The following RECQL5 variants were observed in gnomAD, a reference collection of about 807,000 sequenced individuals.
RECQL5 encodes the protein ATP-dependent DNA helicase Q5.
RECQL5 carries 88 observed loss-of-function variants against 103.4 expected under a neutral mutation model. The ratio of observed to expected loss-of-function variants is 0.85; its 90% CI spans 0.72 to 1.02. The LOEUF (loss-of-function observed/expected upper bound fraction) is 1.02, where lower values mean the gene tolerates loss of function less well. Ranked by LOEUF, RECQL5 falls within the 50% of genes least tolerant of loss-of-function variation. RECQL5 has a pLI of 0.00. For synonymous variants in RECQL5, 552 were observed against 507.9 expected (o/e 1.09, Z -1.17); for missense variants, 1,232 against 1,284.3 (o/e 0.96, Z 0.62).
intron 8 of RECQL5, among the ~76,000 whole-genome samples, chr17:75,644,889 G>A (rs1263572710): frequency 6.6e-6 from 1 of 151,212 alleles, no homozygotes; most frequent in Non-Finnish European, 1.5e-5. Context: ...GCTGGTCAAA[G>A]CAACTTTTGT....
chr17:75,660,730 C>T (rs566494850), intron 6 of RECQL5, among the ~76,000 whole-genome samples: 5 of 152,348 alleles, frequency 3.3e-5, no homozygotes, highest in African/African-American at 7.2e-5. Context: ...AGACTGCATG[C>T]TGCCCCATCC....
rs199824535 is a variant in RECQL5 at position 75,627,673 on chromosome 17, G to A, written c.2825C>T (p.Ala942Val). The change falls in exon 19 of 20, where the codon GCC becomes GTC. Residue 942 changes from alanine (A) to valine (V), a missense_variant. By Grantham distance (64) the Ala-to-Val change is moderately conservative (BLOSUM62 0). Transcript: ENST00000317905. Reference sequence around the variant, plus strand: ...AGTCAGCAAGTGTGAGAGGTGGCGGGCAAAGCCTTTAAACAACTCCTGGAA... The same window carrying A: ...AGTCAGCAAGTGTGAGAGGTGGCGGACAAAGCCTTTAAACAACTCCTGGAA... ...FASKELFKGF[A>V]RHLSHLLTQK... 5.1e-5 allele frequency: 82 copies of A among 1,608,986 alleles called. No individual in the cohort carries two copies. Among genetic ancestry groups the A allele is most frequent in the Non-Finnish European group, 6.5e-5 (76 of 1,177,610 alleles).
At chr17:75,642,469 A>G (rs1189235507) in intron 8 of RECQL5, among the ~76,000 whole-genome samples, 4 of 152,218 alleles carry the variant, frequency 2.6e-5, no homozygotes, top group African/African-American at 9.6e-5. Flanking sequence ...AGGGAGGGGA[A>G]GCTCTCACCC....
At chr17:75,662,213 T>C (rs2148342505) in intron 4 of RECQL5, among the ~76,000 whole-genome samples, 2 of 152,194 alleles carry the variant, frequency 1.3e-5, no homozygotes, top group East Asian at 3.9e-4. Context: ...TTAACTTCTC[T>C]GCCTCCTCTT....
intron 3 of RECQL5, 79 bp downstream of exon 3, chr17:75,664,972 T>C (rs112142819): frequency 3.2e-5 from 45 of 1,389,490 alleles, no homozygotes; most frequent in African/African-American, 3.2e-4. Context: ...AAAAGACCAA[T>C]AGAGAAGTGA....
chr17:75,630,670 A>T lies in RECQL5; in HGVS notation c.1667T>A (p.Leu556His). The change falls in exon 13 of 20, where the codon CTT (leucine) becomes CAT (histidine). Residue 556 changes from leucine (L) to histidine (H), a missense_variant. Transcript: ENST00000317905. Reference sequence around the variant, plus strand: ...GTTGCTGCTCAGCGCCTCCTCCAGAAGCCGCAGGCAGTGCTCCCGTGCCTG... The same window carrying T: ...GTTGCTGCTCAGCGCCTCCTCCAGATGCCGCAGGCAGTGCTCCCGTGCCTG... ...TVKAREHCLR[L>H]LEEALSSNRQ... 6.2e-7 allele frequency: 1 copy of T among 1,613,578 alleles called. No homozygotes were observed. The highest frequency in any genetic ancestry group is 8.5e-7 in the Non-Finnish European group (1 of 1,179,982).
intron 7 of RECQL5, among the ~76,000 whole-genome samples, chr17:75,654,405 C>T (rs73995957): frequency 0.014 from 2,136 of 152,234 alleles, 43 homozygotes; most frequent in African/African-American, 0.047. Flanking sequence ...GCTGTCTTTC[C>T]GGACTACTCT....
At chr17:75,651,896 G>A (rs1048169016) in intron 7 of RECQL5, among the ~76,000 whole-genome samples, 2 of 152,118 alleles carry the variant, frequency 1.3e-5, no homozygotes, top group Non-Finnish European at 2.9e-5. Context: ...ATATTGGAGG[G>A]AGATATATTA....
intron 6 of RECQL5, among the ~76,000 whole-genome samples, chr17:75,658,765 CT>C (rs1599052576): frequency 6.6e-6 from 1 of 152,144 alleles, no homozygotes; most frequent in Admixed American, 6.5e-5. Context: ...GGCTCTGCCA[CT>C]TATGAGCTAT....
At chr17:75,658,182 A>C in intron 7 of RECQL5, 116 bp downstream of exon 7, 1 of 1,071,858 alleles carries the variant, frequency 9.3e-7, no homozygotes, top group Non-Finnish European at 1.3e-6. Context: ...CTATACTTAC[A>C]GGTTGGGAGC....
chr17:75,652,729 G>C (rs1006932304), intron 7 of RECQL5, among the ~76,000 whole-genome samples: 2 of 152,212 alleles, frequency 1.3e-5, no homozygotes, highest in Non-Finnish European at 2.9e-5. Flanking sequence ...GTAAAGCTGG[G>C]GGAAGGAGAT....
At position 75,640,766 on chromosome 17, in the gene RECQL5, C is replaced by A; in HGVS notation, c.1230-9098G>T. ...ATCCTTTCTCTCCCCCAACCTGAGT[C>A]CCGTGCTCTCTCCCGGCCCTCCAGC... On this transcript the variant is annotated intron_variant, in intron 8 of 19. Transcript: ENST00000317905. This position sits in a 1 kb window ranked among gnomAD's most constrained non-coding sequence, Gnocchi z 4.6. 6.5e-7 allele frequency: 1 copy of A among 1,547,190 alleles called. No individual in the cohort carries two copies. Among genetic ancestry groups the A allele is most frequent in the South Asian group, 1.2e-5 (1 of 83,946 alleles).
rs1165293789 is a variant in RECQL5 at position 75,628,779 on chromosome 17, C to T, written c.2490-17G>A. 1.2e-6 allele frequency: 2 copies of T among 1,603,578 alleles called. No homozygotes were observed. The highest frequency in any genetic ancestry group is 4.5e-5 in the East Asian group (2 of 44,848). On this transcript the variant is annotated splice_polypyrimidine_tract_variant and intron_variant, in intron 16 of 19. Coordinates refer to ENST00000317905, the MANE Select transcript of RECQL5 (RefSeq NM_004259.7). ...GGGCAGGTGCTGGTAGAGGGAAGAG[C>T]AGGCATCACAGCACTGGGTCCTGGT...
intron 2 of RECQL5, among the ~76,000 whole-genome samples, chr17:75,665,474 G>A (rs1222262677): frequency 2.6e-5 from 4 of 152,072 alleles, no homozygotes; most frequent in Admixed American, 6.5e-5. Flanking sequence ...GGCAGATCAC[G>A]AGGGCAAGAG....
chr17:75,665,195 T>C (rs774889964), intron 2 of RECQL5, 23 bp from the exon 3 acceptor site: 1 of 1,598,644 alleles, frequency 6.3e-7, no homozygotes, highest in East Asian at 2.3e-5. Flanking sequence ...AAGACAACAA[T>C]ATCTCAGTGC....
intron 7 of RECQL5, among the ~76,000 whole-genome samples, chr17:75,655,489 G>A (rs1053298571): frequency 5.9e-5 from 9 of 151,372 alleles, no homozygotes; most frequent in South Asian, 2.1e-4. Context: ...TCAGCCTCCC[G>A]AGTAGCTGGG....
intron 3 of RECQL5, among the ~76,000 whole-genome samples, chr17:75,664,054 C>CAAAA (rs34569441): frequency 1.0e-4 from 11 of 105,654 alleles, no homozygotes; most frequent in South Asian, 3.6e-4. Context: ...AACTCCATCT[C>CAAAA]AAAAAAAAAA....
chr17:75,633,917 G>A, intron 8 of RECQL5: 1 of 987,572 alleles, frequency 1.0e-6, no homozygotes, highest in South Asian at 4.6e-5. Context: ...TCTTGTCCCT[G>A]AGCAGCGCTC....
chr17:75,665,590 T>C (rs2059761244), intron 2 of RECQL5, among the ~76,000 whole-genome samples: 1 of 149,372 alleles, frequency 6.7e-6, no homozygotes, highest in African/African-American at 2.5e-5. Flanking sequence ...CTCAGGAGGC[T>C]GAAGCAGGAG....
Sources: allele counts gnomAD v4.1 joint callset (sites outside exome capture counted in the v4.1 genomes callset), GRCh38; gene constraint gnomAD v4.1.1; non-coding constraint Gnocchi (gnomAD v3.1); transcripts MANE v1.5; gene names NCBI Gene and HGNC (gene_info 2026-07-23, HGNC 2026-07-21).